ABCC4: variants seen among roughly 807,000 people sequenced by gnomAD.
ABCC4 encodes the protein ATP binding cassette subfamily C member 4 (PEL blood group), also known as ATP-binding cassette sub-family C member 4.
A neutral mutation model predicts 168.5 loss-of-function variants in ABCC4; 102 were observed. The observed-to-expected ratio is 0.61, with a 90% CI of 0.52 to 0.71. The LOEUF (loss-of-function observed/expected upper bound fraction) is 0.71. Ranked by LOEUF, ABCC4 falls within the 30% of genes least tolerant of loss-of-function variation. ABCC4 has a pLI of 0.00. For missense variants in ABCC4, 1,402 were observed against 1,605.8 expected (o/e 0.87, Z 2.17); for synonymous variants, 617 against 590.7 (o/e 1.04, Z -0.65).
At chr13:95,221,143 A>C (rs1367205982) in intron 4 of ABCC4, among the ~76,000 whole-genome samples, 2 of 152,252 alleles carry the variant, frequency 1.3e-5, no homozygotes. Context: ...TTCAGTAATC[A>C]GATTATTACA....
chr13:95,266,876 C>T (rs1205205675), intron 1 of ABCC4, among the ~76,000 whole-genome samples: 1 of 111,612 alleles, frequency 9.0e-6, no homozygotes, highest in Non-Finnish European at 1.9e-5. Context: ...ACTCAAATCT[C>T]ATCTTTTTTT....
At chr13:95,195,305 T>C (rs1032610918) in intron 8 of ABCC4, among the ~76,000 whole-genome samples, 3 of 152,206 alleles carry the variant, frequency 2.0e-5, no homozygotes, top group Non-Finnish European at 4.4e-5. Context: ...TGGTTGGAAA[T>C]GATCTGATGA....
intron 26 of ABCC4, among the ~76,000 whole-genome samples, chr13:95,062,497 C>CACACACAA (rs2033335640): frequency 6.6e-6 from 1 of 151,346 alleles, no homozygotes; most frequent in Admixed American, 6.6e-5. Flanking sequence ...CACACACACA[C>CACACACAA]ACACACACAC....
At chr13:95,102,623 T>C (rs2034849811) in intron 20 of ABCC4, among the ~76,000 whole-genome samples, 1 of 139,020 alleles carries the variant, frequency 7.2e-6, no homozygotes, top group African/African-American at 2.6e-5. Flanking sequence ...ACAAGTGATA[T>C]CTAGTCACAC....
intron 1 of ABCC4, among the ~76,000 whole-genome samples, chr13:95,287,782 C>A (rs1002620810): frequency 2.6e-5 from 4 of 151,396 alleles, no homozygotes; most frequent in African/African-American, 9.7e-5. Flanking sequence ...GTGGCTCACA[C>A]CTGTAATCTC....
At chr13:95,028,805 G>T (rs1221078806) in intron 30 of ABCC4, among the ~76,000 whole-genome samples, 1 of 151,240 alleles carries the variant, frequency 6.6e-6, no homozygotes, top group Non-Finnish European at 1.5e-5. Context: ...TAACTTAATT[G>T]GAAGTTAATT....
chr13:95,104,716 G>A (rs912031570), intron 20 of ABCC4, among the ~76,000 whole-genome samples: 8 of 152,122 alleles, frequency 5.3e-5, no homozygotes, highest in South Asian at 2.1e-4. Context: ...GCATGAATAC[G>A]TTGAGGAAGA....
intron 1 of ABCC4, among the ~76,000 whole-genome samples, chr13:95,256,876 C>T (rs528537446): frequency 1.2e-4 from 18 of 152,334 alleles, no homozygotes; most frequent in Middle Eastern, 3.4e-3. Context: ...TGACATAGTT[C>T]TCTCTTGCTT....
At chr13:95,129,617 CTTAT>C (rs1418847389) in intron 19 of ABCC4, among the ~76,000 whole-genome samples, 2 of 151,956 alleles carry the variant, frequency 1.3e-5, no homozygotes, top group East Asian at 1.9e-4. Context: ...TAGTATTTCT[CTTAT>C]TTAAGAAAAA....
chr13:95,289,526 G>A (rs920484295), intron 1 of ABCC4, among the ~76,000 whole-genome samples: 5 of 152,088 alleles, frequency 3.3e-5, no homozygotes, highest in African/African-American at 1.2e-4. Flanking sequence ...TATAAAAATC[G>A]AAGAACCCGG....
chr13:95,184,051 A>C (rs1406357740), intron 11 of ABCC4, among the ~76,000 whole-genome samples: 1 of 152,234 alleles, frequency 6.6e-6, no homozygotes, highest in African/African-American at 2.4e-5. Flanking sequence ...CCATGCTTAC[A>C]CACATCCAGG....
At chr13:95,241,529 C>A (rs564262912) in intron 3 of ABCC4, among the ~76,000 whole-genome samples, 42 of 152,180 alleles carry the variant, frequency 2.8e-4, no homozygotes, top group South Asian at 6.2e-4. Flanking sequence ...TTCCTCCTGC[C>A]CCCCCTGCAG....
At chr13:95,021,727 T>A in intron 30 of ABCC4, 45 bp from the exon 31 acceptor site, 1 of 1,371,024 alleles carries the variant, frequency 7.3e-7, no homozygotes, top group African/African-American at 1.4e-5. Flanking sequence ...TTCAAAATTT[T>A]AAAGTCTCCT....
intron 19 of ABCC4, among the ~76,000 whole-genome samples, chr13:95,128,167 T>A (rs1015494652): frequency 6.6e-6 from 1 of 152,190 alleles, no homozygotes; most frequent in Non-Finnish European, 1.5e-5. Context: ...GAATACACAC[T>A]GTTCTTAGAT....
intron 8 of ABCC4, among the ~76,000 whole-genome samples, chr13:95,196,642 A>AAGGG (rs2038442721): frequency 4.4e-5 from 1 of 22,800 alleles, no homozygotes; most frequent in Non-Finnish European, 7.8e-5. Flanking sequence ...GGAAGGAAGG[A>AAGGG]AGGAAGGAAG....
intron 14 of ABCC4, among the ~76,000 whole-genome samples, chr13:95,167,688 A>T (rs1729767): frequency 6.6e-6 from 1 of 151,998 alleles, no homozygotes; most frequent in Non-Finnish European, 1.5e-5. Context: ...TCTGTAAGAC[A>T]CACAAGGAAA....
intron 1 of ABCC4, among the ~76,000 whole-genome samples, chr13:95,256,253 A>G (rs17189540): frequency 0.046 from 6,935 of 152,256 alleles, 228 homozygotes; most frequent in Non-Finnish European, 0.067. Flanking sequence ...TAGGATATTA[A>G]TTATTTCTGC....
chr13:95,234,840 A>C lies in ABCC4; in HGVS notation c.307-6T>G, dbSNP rs928998633. The C allele has an allele frequency of 6.6e-7, 1 of 1,523,662 alleles. No individual in the cohort carries two copies. Among genetic ancestry groups the C allele is most frequent in the Non-Finnish European group, 8.8e-7 (1 of 1,130,736 alleles). 94.4% of individuals were successfully genotyped at this position (1,523,662 alleles called of 1,614,324 possible). Reference sequence around the variant, plus strand: ...TGGATTACTTTGGCACTTTCCTAAAAGAAGAAAAAGAAAAGCCTTTAATTA... The same window carrying C: ...TGGATTACTTTGGCACTTTCCTAAACGAAGAAAAAGAAAAGCCTTTAATTA... On this transcript the variant is annotated splice_polypyrimidine_tract_variant and splice_region_variant and intron_variant, in intron 3 of 30. Coordinates refer to ENST00000645237, the MANE Select transcript of ABCC4 (RefSeq NM_005845.5).
chr13:95,230,247 A>G (rs2039583606), intron 4 of ABCC4, among the ~76,000 whole-genome samples: 1 of 152,192 alleles, frequency 6.6e-6, no homozygotes, highest in Admixed American at 6.5e-5. Flanking sequence ...ACCACCATGA[A>G]CCATTTCAAC....
Sources: allele counts gnomAD v4.1 joint callset (sites outside exome capture counted in the v4.1 genomes callset), GRCh38; gene constraint gnomAD v4.1.1; transcripts MANE v1.5; gene names NCBI Gene and HGNC (gene_info 2026-07-23, HGNC 2026-07-21).